Variants in CNTNAP2 observed in about 807,000 individuals in gnomAD.
The protein encoded by CNTNAP2 is contactin-associated protein-like 2.
Under a neutral mutation model 155.2 loss-of-function variants are expected in CNTNAP2, and 98 were observed. The observed-to-expected ratio is 0.63, with a 90% CI of 0.54 to 0.75. The LOEUF (loss-of-function observed/expected upper bound fraction) is 0.75, where lower values mean the gene tolerates loss of function less well. CNTNAP2 is among the 30% of genes least tolerant of loss of function. The pLI, the probability that CNTNAP2 is intolerant of heterozygous loss-of-function variation, is 0.00. For missense variants in CNTNAP2, 1,727 were observed against 1,688.1 expected (o/e 1.02, Z -0.40); for synonymous variants, 651 against 631.2 (o/e 1.03, Z -0.47).
At chr7:148,002,423 T>C (rs1563163640) in intron 15 of CNTNAP2, among the ~76,000 whole-genome samples, 1 of 152,172 alleles carries the variant, frequency 6.6e-6, no homozygotes, top group Non-Finnish European at 1.5e-5. Context: ...ATGCGCACTT[T>C]TATATAAACA....
At chr7:147,588,864 T>A (rs1800685047) in intron 12 of CNTNAP2, among the ~76,000 whole-genome samples, 1 of 152,188 alleles carries the variant, frequency 6.6e-6, no homozygotes, top group South Asian at 2.1e-4. Flanking sequence ...TACTGGTTCA[T>A]TGCCTTACCT....
At chr7:147,870,705 C>CAGAG (rs2116700684) in intron 13 of CNTNAP2, among the ~76,000 whole-genome samples, 1 of 152,260 alleles carries the variant, frequency 6.6e-6, no homozygotes, top group Non-Finnish European at 1.5e-5. Flanking sequence ...CTGCTTATAT[C>CAGAG]AGAGATAGAA....
chr7:146,315,496 G>A (rs1423244637), intron 1 of CNTNAP2, among the ~76,000 whole-genome samples: 1 of 152,114 alleles, frequency 6.6e-6, no homozygotes, highest in Non-Finnish European at 1.5e-5. Context: ...TATTTTCATA[G>A]TTGTCAGGTG....
intron 1 of CNTNAP2, among the ~76,000 whole-genome samples, chr7:146,703,319 G>A (rs1302269357): frequency 2.0e-5 from 3 of 152,082 alleles, no homozygotes; most frequent in Non-Finnish European, 2.9e-5. Context: ...TATGTCTCAT[G>A]ATATGACTTT....
In CNTNAP2 at chr7:148,286,272, A is replaced by T. The variant is rs541571134; in HGVS notation, c.3475+19146A>T. On this transcript the variant is annotated intron_variant, in intron 21 of 23. Coordinates refer to ENST00000361727, the MANE Select transcript of CNTNAP2 (RefSeq NM_014141.6). ...ATGCTTCAGAAAGGGGACCATGTCA[A>T]TTCCTGATAAGGTTCTCTCCTCTTT... 9.2e-5 allele frequency among the ~76,000 whole-genome samples: 14 copies of T among 152,294 alleles called. No homozygotes were observed. In the South Asian group the frequency reaches 2.9e-3, roughly 32 times the overall value.
intron 1 of CNTNAP2, among the ~76,000 whole-genome samples, chr7:146,494,851 G>A (rs765268876): frequency 6.6e-6 from 1 of 152,072 alleles, no homozygotes; most frequent in Non-Finnish European, 1.5e-5. Flanking sequence ...CAAATAATTC[G>A]ATGAGCTAGC....
chr7:146,497,849 A>G (rs1797242061), intron 1 of CNTNAP2, among the ~76,000 whole-genome samples: 1 of 148,488 alleles, frequency 6.7e-6, no homozygotes, highest in African/African-American at 2.4e-5. Context: ...TATTTAAGTA[A>G]TCATATATAT....
intron 14 of CNTNAP2, among the ~76,000 whole-genome samples, chr7:147,966,580 G>A (rs960781315): frequency 1.3e-5 from 2 of 152,120 alleles, no homozygotes; most frequent in African/African-American, 2.4e-5. Flanking sequence ...AAAGCTGAGT[G>A]CCCTCTCTGT....
intron 14 of CNTNAP2, among the ~76,000 whole-genome samples, chr7:147,955,677 T>C (rs569400935): frequency 1.3e-5 from 2 of 152,196 alleles, no homozygotes; most frequent in South Asian, 4.1e-4. Flanking sequence ...GCTCCCCACC[T>C]CAGCTATCAT....
chr7:147,278,681 AAT>A (rs934109661), intron 8 of CNTNAP2, among the ~76,000 whole-genome samples: 22 of 151,722 alleles, frequency 1.5e-4, no homozygotes, highest in Non-Finnish European at 2.8e-4. Flanking sequence ...TATAAGGAAA[AAT>A]AAAGCATAAT....
intron 1 of CNTNAP2, among the ~76,000 whole-genome samples, chr7:146,514,528 A>G (rs867198448): frequency 2.6e-5 from 4 of 152,054 alleles, no homozygotes; most frequent in Middle Eastern, 3.4e-3. Context: ...TGCATTTTTC[A>G]TCTAATTCAA....
intron 18 of CNTNAP2, among the ~76,000 whole-genome samples, chr7:148,196,856 C>A (rs1440661272): frequency 2.0e-5 from 3 of 152,156 alleles, no homozygotes; most frequent in Non-Finnish European, 4.4e-5. Flanking sequence ...CAAAGAGGCA[C>A]ATTGAGATCC....
rs561225922 is a variant in CNTNAP2, at chr7:147,476,788, T to A, written c.1671-9147T>A. ...ACTAAAAATACAAAAATTAGCCAGG[T>A]GTGGTGGCAGGCACCTGTAATCCCA... is the stretch of plus-strand genomic sequence containing the variant. On this transcript the variant is annotated intron_variant, in intron 10 of 23. Transcript: ENST00000361727. Among the ~76,000 whole-genome samples, 15 of 152,066 alleles carry A rather than the reference T, an allele frequency of 9.9e-5. No homozygotes were observed. In the South Asian group the frequency reaches 2.3e-3, roughly 23 times the overall value.
intron 9 of CNTNAP2, among the ~76,000 whole-genome samples, chr7:147,371,040 A>T (rs575266101): frequency 4.6e-5 from 7 of 152,114 alleles, no homozygotes; most frequent in Non-Finnish European, 1.0e-4. Context: ...ACTGTCAATG[A>T]ATGGGTAATT....
chr7:147,384,164 GGATA>G (rs1796589866), intron 9 of CNTNAP2, among the ~76,000 whole-genome samples: 1 of 152,072 alleles, frequency 6.6e-6, no homozygotes, highest in Non-Finnish European at 1.5e-5. Flanking sequence ...TGGTGACCAA[GGATA>G]GACATCTTAA....
chr7:148,039,764 T>C (rs146310560), intron 15 of CNTNAP2, among the ~76,000 whole-genome samples: 106 of 152,304 alleles, frequency 7.0e-4, no homozygotes, highest in Middle Eastern at 6.8e-3. Flanking sequence ...GGCTCCATGG[T>C]CACATACAAG....
chr7:147,741,829 T>A (rs1796961201), intron 13 of CNTNAP2, among the ~76,000 whole-genome samples: 6 of 152,240 alleles, frequency 3.9e-5, no homozygotes, highest in Admixed American at 3.9e-4. Context: ...CAGTACTGAT[T>A]CCATCCTATT....
intron 16 of CNTNAP2, among the ~76,000 whole-genome samples, chr7:148,130,189 A>T (rs779480789): frequency 2.6e-5 from 4 of 152,250 alleles, no homozygotes; most frequent in Non-Finnish European, 4.4e-5. Flanking sequence ...TGTCCTATTT[A>T]AAGTTTTACT....
chr7:146,931,390 A>G (rs2129222970), intron 3 of CNTNAP2, among the ~76,000 whole-genome samples: 1 of 149,360 alleles, frequency 6.7e-6, no homozygotes, highest in Non-Finnish European at 1.5e-5. Context: ...GAAACCAACG[A>G]GAACAAAGAC....
Sources: allele counts gnomAD v4.1 joint callset (sites outside exome capture counted in the v4.1 genomes callset), GRCh38; gene constraint gnomAD v4.1.1; transcripts MANE v1.5; gene names NCBI Gene and HGNC (gene_info 2026-07-23, HGNC 2026-07-21).